The following CPD variants were observed in gnomAD, a reference collection of about 807,000 sequenced individuals.
CPD encodes the protein metallocarboxypeptidase D.
A neutral mutation model predicts 138.3 loss-of-function variants in CPD; 69 were observed. That is an observed-to-expected ratio of 0.50 (90% CI 0.41 to 0.61). CPD has a LOEUF of 0.61. Ranked by LOEUF, CPD falls within the 20% of genes least tolerant of loss-of-function variation. The pLI, the probability that CPD is intolerant of heterozygous loss-of-function variation, is 0.00. For missense variants in CPD, 1,432 were observed against 1,733.3 expected (o/e 0.83, Z 3.09); for synonymous variants, 651 against 642.1 (o/e 1.01, Z -0.21).
chr17:30,421,643 C>CTT (rs1269345815), intron 3 of CPD, 21 bp from the exon 4 acceptor site: 2 of 1,610,546 alleles, frequency 1.2e-6, no homozygotes, highest in Admixed American at 3.3e-5. Flanking sequence ...CGTCTCTGAG[C>CTT]TTGGATTCTT....
intron 2 of CPD, among the ~76,000 whole-genome samples, chr17:30,414,829 G>T (rs538892489): frequency 1.3e-5 from 2 of 152,288 alleles, no homozygotes; most frequent in East Asian, 3.9e-4. Flanking sequence ...GGGTGGAGCA[G>T]GTTTGGAGAA....
In CPD at chr17:30,404,193, A is replaced by C. The variant is rs745814627; in HGVS notation, c.995-16648A>C. ...TTGCACTGTACATGTAAATGGGATG[A>C]ATTTTATAGCATATAAGTTATTATA... On this transcript the variant is annotated intron_variant, in intron 2 of 20. Coordinates refer to ENST00000225719, the MANE Select transcript of CPD (RefSeq NM_001304.5). Among the ~76,000 whole-genome samples the C allele has an allele frequency of 5.3e-5, 8 of 152,246 alleles. No homozygotes were observed. The East Asian group carries it at 1.2e-3, about 22-fold the overall frequency.
Position 30,431,786 on chromosome 17 carries a change from AACT to A in CPD, c.2035_2037del (p.Tyr679del). The A allele has an allele frequency of 6.2e-7, 1 of 1,610,816 alleles. No homozygotes were observed. Among genetic ancestry groups the A allele is most frequent in the Non-Finnish European group, 8.5e-7 (1 of 1,177,790 alleles). On this transcript the variant is annotated inframe_deletion, in exon 8 of 21. Coordinates refer to ENST00000225719, the MANE Select transcript of CPD (RefSeq NM_001304.5). ...TTCCCTTATAGGTTCTTTGGTGGTT[AACT>A]ACCCTTTTGATGATGATGAACAAGG...
intron 2 of CPD, among the ~76,000 whole-genome samples, chr17:30,416,995 G>A (rs1435786210): frequency 1.3e-5 from 2 of 151,726 alleles, no homozygotes; most frequent in South Asian, 2.1e-4. Flanking sequence ...CTAGGTACTC[G>A]GGAGGTTGAG....
intron 2 of CPD, among the ~76,000 whole-genome samples, chr17:30,411,861 C>T (rs572251352): frequency 2.0e-5 from 3 of 152,326 alleles, no homozygotes; most frequent in East Asian, 3.9e-4. Flanking sequence ...CTACTTCTGT[C>T]AGCTTGTGAA....
chr17:30,430,282 G>A (rs1179425995), intron 7 of CPD, among the ~76,000 whole-genome samples: 3 of 151,926 alleles, frequency 2.0e-5, no homozygotes, highest in African/African-American at 4.8e-5. Flanking sequence ...ATTTAACAGT[G>A]ACTCCCCTTT....
intron 1 of CPD, chr17:30,380,384 C>T (rs977305758): frequency 2.3e-6 from 2 of 877,514 alleles, no homozygotes; most frequent in Non-Finnish European, 2.9e-6. Flanking sequence ...CAATTTTTAC[C>T]TCTGACTCAG....
At chr17:30,420,693 A>G in intron 2 of CPD, 148 bp from the exon 3 acceptor site, 1 of 602,864 alleles carries the variant, frequency 1.7e-6, no homozygotes, top group South Asian at 2.7e-5. Flanking sequence ...CCTCCACTAT[A>G]GTTCAGATGC....
intron 1 of CPD, 132 bp from the exon 2 acceptor site, chr17:30,384,857 C>A: frequency 2.2e-6 from 2 of 916,582 alleles, no homozygotes; most frequent in Non-Finnish European, 3.3e-6. Context: ...CAGATAACAG[C>A]TGATAGAGTT....
At chr17:30,398,474 C>T (rs1911567407) in intron 2 of CPD, among the ~76,000 whole-genome samples, 1 of 152,148 alleles carries the variant, frequency 6.6e-6, no homozygotes, top group Admixed American at 6.6e-5. Context: ...GACATATCAA[C>T]TTAAAAAGAT....
chr17:30,413,345 A>G (rs139519564), intron 2 of CPD, among the ~76,000 whole-genome samples: 39 of 152,342 alleles, frequency 2.6e-4, no homozygotes, highest in Non-Finnish European at 4.9e-4. Flanking sequence ...GAAAATCAGC[A>G]TCTTACCCAT....
chr17:30,467,181 C>T lies in CPD; in HGVS notation c.*2367C>T, dbSNP rs1913665225. 1 of 152,546 alleles carries T rather than the reference C, an allele frequency of 6.6e-6. No individual in the cohort carries two copies. The highest frequency in any genetic ancestry group is 2.4e-5 in the African/African-American group (1 of 41,454). 9.4% of individuals were successfully genotyped at this position (152,546 alleles called of 1,614,324 possible). On this transcript the variant is annotated 3_prime_UTR_variant, in exon 21 of 21. Coordinates refer to ENST00000225719, the MANE Select transcript of CPD (RefSeq NM_001304.5). ...TGTTTCTCCGAGAGACTTTCCATTT[C>T]CTTGGAGTTATGGCGGCAAGTAAGT...
chr17:30,439,073 G>T lies in CPD; in HGVS notation c.2226G>T (p.Val742=). The change falls in exon 9 of 21, where the codon GTG becomes GTT. Residue 742 remains valine (V), a synonymous_variant. Transcript: ENST00000225719. ...GITNGASWYN[V]PGGMQDWNYL... ...CAAATGGAGCTAGTTGGTATAATGT[G>T]CCAGGTAAAGATTCTTTTATATCAA... 15 of 1,569,350 alleles carry T rather than the reference G, an allele frequency of 9.6e-6. No individual in the cohort carries two copies. The highest frequency in any genetic ancestry group is 1.2e-5 in the Non-Finnish European group (14 of 1,158,080).
intron 1 of CPD, chr17:30,380,697 T>G (rs1911017557): frequency 8.2e-7 from 1 of 1,220,590 alleles, no homozygotes; most frequent in Non-Finnish European, 1.1e-6. Context: ...TGGCAAGATG[T>G]GTGTGGGCTG....
At chr17:30,455,170 C>G (rs1432099161) in intron 14 of CPD, 169 bp from the exon 15 acceptor site, 1 of 595,028 alleles carries the variant, frequency 1.7e-6, no homozygotes, top group Non-Finnish European at 2.9e-6. Context: ...AACCTACCTT[C>G]TGTAATGTAT....
At chr17:30,430,886 CA>C (rs1338910886) in intron 7 of CPD, among the ~76,000 whole-genome samples, 1 of 152,004 alleles carries the variant, frequency 6.6e-6, no homozygotes, top group African/African-American at 2.4e-5. Flanking sequence ...CTCTTGGGCT[CA>C]AGCAATCCAC....
At chr17:30,457,712 T>C (rs1214199956) in intron 17 of CPD, among the ~76,000 whole-genome samples, 1 of 151,608 alleles carries the variant, frequency 6.6e-6, no homozygotes, top group African/African-American at 2.4e-5. Context: ...CAGGCTGGAG[T>C]GCAGTGGCTA....
chr17:30,383,733 C>CT (rs1014650230), intron 1 of CPD, among the ~76,000 whole-genome samples: 1 of 151,466 alleles, frequency 6.6e-6, no homozygotes, highest in Non-Finnish European at 1.5e-5. Context: ...GATAGGTTTA[C>CT]TTTTTTTTCA....
chr17:30,450,230 T>A (rs1913132157), intron 13 of CPD: 1 of 148,406 alleles, frequency 6.7e-6, no homozygotes. Flanking sequence ...CTAATTTTTT[T>A]ATATTTTTGG....
Sources: gnomAD v4.1 joint callset for allele counts (sites outside exome capture counted in the v4.1 genomes callset) on GRCh38, gnomAD v4.1.1 for gene constraint, MANE v1.5 for transcripts, NCBI Gene and HGNC (gene_info 2026-07-23, HGNC 2026-07-21) for gene names.